LAMA1: variants seen among roughly 807,000 people sequenced by gnomAD.
The protein encoded by LAMA1 is laminin subunit alpha 1, also known as laminin subunit alpha-1.
In LAMA1, 219 loss-of-function variants were observed where a neutral mutation model predicts 348.7. That is an observed-to-expected ratio of 0.63 (90% confidence interval 0.56 to 0.70). The LOEUF (loss-of-function observed/expected upper bound fraction) is 0.70. Ranked by LOEUF, LAMA1 falls within the 30% of genes least tolerant of loss-of-function variation. The pLI is 0.00. For missense variants in LAMA1, 3,744 were observed against 3,888.0 expected, an observed-to-expected ratio of 0.96 and a Z score of 0.99; for synonymous variants, 1,487 against 1,491.0, an observed-to-expected ratio of 1.00 and a Z score of 0.06.
chr18:6,972,906 G>A (rs760173128), intron 47 of LAMA1, 151 bp downstream of exon 47: 21 of 776,444 alleles, frequency 2.7e-5, no homozygotes, highest in African/African-American at 5.1e-5. Flanking sequence ...GGTCAGGCTG[G>A]TCTTGAACTC....
At chr18:7,008,824 C>A (rs188445010) in intron 27 of LAMA1, among the ~76,000 whole-genome samples, 9 of 152,282 alleles carry the variant, frequency 5.9e-5, no homozygotes, top group Admixed American at 3.3e-4. Flanking sequence ...TAATGTGACA[C>A]AAGTACACCT....
At chr18:7,078,529 A>T (rs2058180362) in intron 3 of LAMA1, among the ~76,000 whole-genome samples, 1 of 152,118 alleles carries the variant, frequency 6.6e-6, no homozygotes, top group Non-Finnish European at 1.5e-5. Context: ...TTCATGTCTT[A>T]TACCTGAAAG....
intron 50 of LAMA1, 74 bp from the exon 51 acceptor site, chr18:6,964,877 G>A: frequency 6.5e-7 from 1 of 1,528,880 alleles, no homozygotes; most frequent in Non-Finnish European, 9.0e-7. Flanking sequence ...GCAAACTTCT[G>A]GCAACAAAGC....
chr18:7,081,098 C>A (rs1022638152), intron 1 of LAMA1, among the ~76,000 whole-genome samples: 10 of 151,764 alleles, frequency 6.6e-5, no homozygotes, highest in Admixed American at 5.3e-4. Flanking sequence ...TCAGTTCAGC[C>A]GCTGTGGAGA....
intron 57 of LAMA1, chr18:6,954,744 C>G: frequency 7.2e-6 from 1 of 139,248 alleles, no homozygotes; most frequent in South Asian, 1.8e-4. Context: ...GGGGGTATGA[C>G]AGGGTGGCAC....
Position 6,959,506 on chromosome 18 carries a change from A to G in LAMA1, c.7627-14T>C, listed in dbSNP as rs2057597427. The G allele has an allele frequency of 6.2e-7, 1 of 1,613,984 alleles. No homozygotes were observed. Among genetic ancestry groups the G allele is most frequent in the African/African-American group, 1.3e-5 (1 of 74,952 alleles). On this transcript the variant is annotated splice_polypyrimidine_tract_variant and intron_variant, in intron 53 of 62. Coordinates refer to ENST00000389658, the MANE Select transcript of LAMA1 (RefSeq NM_005559.4). Reference sequence around the variant, plus strand: ...GGAAAAGAAGGGCTGGGGAGGTTGCATAGAGAATTTCCCAGACAAAACACA... The same window carrying G: ...GGAAAAGAAGGGCTGGGGAGGTTGCGTAGAGAATTTCCCAGACAAAACACA...
intron 1 of LAMA1, among the ~76,000 whole-genome samples, chr18:7,109,882 C>T (rs940054232): frequency 4.6e-5 from 7 of 152,172 alleles, no homozygotes; most frequent in African/African-American, 1.7e-4. Context: ...CATCACAGAC[C>T]CGATAAAAAG....
chr18:7,050,344 G>A (rs556436588), intron 4 of LAMA1, among the ~76,000 whole-genome samples: 2 of 152,222 alleles, frequency 1.3e-5, no homozygotes, highest in South Asian at 2.1e-4. Flanking sequence ...CACCTACCGA[G>A]GAGAACACTG....
In LAMA1 at chr18:6,983,365, A is replaced by G. The variant is rs2057720669; in HGVS notation, c.5661-131T>C. ...CTTTCCCCTTAGAAGAGTATCATCC[A>G]TAAAAAATAACAACCTATGGGTTCC... On this transcript the variant is annotated intron_variant, in intron 39 of 62. Coordinates refer to ENST00000389658, the MANE Select transcript of LAMA1 (RefSeq NM_005559.4). 14 of 936,636 alleles carry G rather than the reference A, an allele frequency of 1.5e-5. No homozygotes were observed. The South Asian group carries it at 2.0e-4, about 13-fold the overall frequency. 58.0% of individuals were successfully genotyped at this position (936,636 alleles called of 1,614,324 possible). A position where few individuals can be genotyped will look rare whatever the true frequency, so the allele number is the denominator to read the frequency against.
chr18:7,074,356 T>C (rs1206138423), intron 3 of LAMA1, among the ~76,000 whole-genome samples: 1 of 152,216 alleles, frequency 6.6e-6, no homozygotes, highest in Non-Finnish European at 1.5e-5. Flanking sequence ...TGTATTAACT[T>C]TTAAAATAGT....
At chr18:6,983,059 T>G in intron 40 of LAMA1, 40 bp downstream of exon 40, 2 of 1,613,966 alleles carry the variant, frequency 1.2e-6, no homozygotes, top group Non-Finnish European at 1.7e-6. Context: ...CAGAAAAATC[T>G]CCCACAGAGC....
At chr18:6,993,083 CTTTT>C (rs976614908) in intron 35 of LAMA1, among the ~76,000 whole-genome samples, 2 of 151,024 alleles carry the variant, frequency 1.3e-5, no homozygotes, top group African/African-American at 2.4e-5. Context: ...CTTGATCCTA[CTTTT>C]TTTATTAAGT....
At chr18:6,997,440 C>T (rs113825063) in intron 33 of LAMA1, among the ~76,000 whole-genome samples, 6 of 152,348 alleles carry the variant, frequency 3.9e-5, no homozygotes, top group Non-Finnish European at 7.3e-5. Context: ...AGCAAGTGGA[C>T]TTGGCCTTAT....
chr18:7,035,025 G>A (rs955713331), intron 13 of LAMA1, among the ~76,000 whole-genome samples: 7 of 152,206 alleles, frequency 4.6e-5, no homozygotes, highest in African/African-American at 1.7e-4. Context: ...AGTAGAAAAA[G>A]TATGTAAACA....
intron 48 of LAMA1, 136 bp downstream of exon 48, chr18:6,971,721 G>A: frequency 8.3e-7 from 1 of 1,199,986 alleles, no homozygotes; most frequent in Non-Finnish European, 1.2e-6. Context: ...GCATGGCTTT[G>A]TAATTGGCAG....
At chr18:7,059,251 T>C (rs1457016651) in intron 3 of LAMA1, among the ~76,000 whole-genome samples, 2 of 152,192 alleles carry the variant, frequency 1.3e-5, no homozygotes, top group African/African-American at 4.8e-5. Context: ...TGCCCTTTTT[T>C]TGCATGGTTG....
At chr18:6,994,711 T>C (rs1600379863) in intron 34 of LAMA1, among the ~76,000 whole-genome samples, 1 of 95,752 alleles carries the variant, frequency 1.0e-5, no homozygotes, top group Admixed American at 1.3e-4. Flanking sequence ...ACAAAATTCA[T>C]AAATGAAAAA....
chr18:7,008,098 T>C (rs1169983768), intron 28 of LAMA1, among the ~76,000 whole-genome samples: 2 of 151,950 alleles, frequency 1.3e-5, no homozygotes, highest in East Asian at 3.9e-4. Flanking sequence ...CATATATATA[T>C]ATCATATAAG....
In LAMA1 at chr18:7,043,333, T is replaced by C; in HGVS notation, c.1049A>G (p.Asn350Ser). The change falls in exon 8 of 63, where the codon AAT (asparagine) becomes AGT (serine). Residue 350 changes from asparagine (N) to serine (S), a missense_variant. By Grantham distance (46) the Asn-to-Ser change is conservative. This residue lies in a region of LAMA1 where 1,529 missense variants were observed against 1,689.4 expected (regional missense o/e 0.91). Coordinates refer to ENST00000389658, the MANE Select transcript of LAMA1 (RefSeq NM_005559.4). Reference protein sequence around the residue: ...ESVAKQKKSLNTAGQFRGGGV... With the variant: ...ESVAKQKKSLSTAGQFRGGGV... ...TCCTCCTCTGAACTGTCCAGCAGTATTCAAACTTTTCTTCTGCTTTGCAAC... is the reference window on the plus strand; with the variant it reads ...TCCTCCTCTGAACTGTCCAGCAGTACTCAAACTTTTCTTCTGCTTTGCAAC... The C allele has an allele frequency of 1.2e-6, 2 of 1,614,142 alleles. No individual in the cohort carries two copies. The highest frequency in any genetic ancestry group is 1.7e-6 in the Non-Finnish European group (2 of 1,180,018).
Sources: allele counts gnomAD v4.1 joint callset (sites outside exome capture counted in the v4.1 genomes callset), GRCh38; gene constraint gnomAD v4.1.1; regional missense constraint gnomAD v4.1.1; transcripts MANE v1.5; gene names NCBI Gene and HGNC (gene_info 2026-07-23, HGNC 2026-07-21).